Variants in LCMT1 observed in about 807,000 individuals in gnomAD.
LCMT1 encodes the protein [Phosphatase 2A protein]-leucine-carboxy methyltransferase 1.
In LCMT1, 32 loss-of-function variants were observed where a neutral mutation model predicts 47.7. That is an observed-to-expected ratio of 0.67 (90% CI 0.51 to 0.90). LCMT1 has a LOEUF of 0.90. Among genes scored for constraint, LCMT1 ranks in the 40% least tolerant of loss-of-function variants. LCMT1 has a pLI of 0.00. For synonymous variants in LCMT1, 152 were observed against 149.7 expected (o/e 1.02, Z -0.11); for missense variants, 375 against 415.2 (o/e 0.90, Z 0.84).
At chr16:25,173,043 C>G (rs1270657377) in intron 9 of LCMT1, among the ~76,000 whole-genome samples, 1 of 152,194 alleles carries the variant, frequency 6.6e-6, no homozygotes, top group Non-Finnish European at 1.5e-5. Flanking sequence ...TTTGTCTATG[C>G]CAGGTCGAAC....
At chr16:25,117,364 G>T (rs1012086763) in intron 1 of LCMT1, among the ~76,000 whole-genome samples, 1 of 152,180 alleles carries the variant, frequency 6.6e-6, no homozygotes, top group African/African-American at 2.4e-5. Flanking sequence ...TCTGCACTTT[G>T]TTGTGTGACA....
At chr16:25,152,731 G>C (rs1160949257) in intron 5 of LCMT1, among the ~76,000 whole-genome samples, 5 of 152,116 alleles carry the variant, frequency 3.3e-5, no homozygotes, top group Non-Finnish European at 5.9e-5. Context: ...CCATCCTCCA[G>C]TTCTGTCCCC....
At chr16:25,129,983 G>A (rs760138888) in intron 2 of LCMT1, among the ~76,000 whole-genome samples, 10 of 152,298 alleles carry the variant, frequency 6.6e-5, no homozygotes, top group Middle Eastern at 3.4e-3. Context: ...GTAATTCTCA[G>A]ATGAGGGAGG....
At chr16:25,155,030 G>A (rs1961210214) in intron 5 of LCMT1, among the ~76,000 whole-genome samples, 1 of 152,106 alleles carries the variant, frequency 6.6e-6, no homozygotes, top group Admixed American at 6.6e-5. Flanking sequence ...AAATGACCTT[G>A]TTTTATCAAA....
chr16:25,133,981 G>A (rs1465050322), intron 3 of LCMT1, among the ~76,000 whole-genome samples: 1 of 149,126 alleles, frequency 6.7e-6, no homozygotes, highest in African/African-American at 2.5e-5. Flanking sequence ...GCAGTGAGTC[G>A]AGATCATGCC....
At chr16:25,117,909 G>C (rs1304941545) in intron 1 of LCMT1, among the ~76,000 whole-genome samples, 4 of 150,910 alleles carry the variant, frequency 2.7e-5, no homozygotes, top group Non-Finnish European at 4.4e-5. Flanking sequence ...TTTCCCTCTT[G>C]TGCAGTCACC....
chr16:25,171,135 C>T (rs1961753875), intron 9 of LCMT1, among the ~76,000 whole-genome samples: 2 of 148,774 alleles, frequency 1.3e-5, no homozygotes, highest in South Asian at 4.3e-4. Flanking sequence ...ACTTGGGAGG[C>T]TGAGCCGGGA....
chr16:25,171,141 C>T lies in LCMT1; in HGVS notation c.884+336C>T, dbSNP rs549675259. Among the ~76,000 whole-genome samples the T allele has an allele frequency of 1.8e-4, 27 of 146,590 alleles. No homozygotes were observed. In the East Asian group the frequency reaches 4.4e-3, roughly 24 times the overall value. The stretch of plus-strand genomic sequence containing the variant: ...ATGCCAACTACTTGGGAGGCTGAGC[C>T]GGGAGAATCACTTAAACCTGGGGCG... On this transcript the variant is annotated intron_variant, in intron 9 of 10. Transcript: ENST00000399069.
At chr16:25,133,620 A>G (rs1386850977) in intron 3 of LCMT1, among the ~76,000 whole-genome samples, 1 of 148,480 alleles carries the variant, frequency 6.7e-6, no homozygotes, top group Non-Finnish European at 1.5e-5. Context: ...GCTGCTCACA[A>G]TCTTCTGACC....
intron 1 of LCMT1, among the ~76,000 whole-genome samples, chr16:25,127,245 A>G (rs1960217750): frequency 1.3e-5 from 2 of 152,236 alleles, no homozygotes; most frequent in Non-Finnish European, 2.9e-5. Flanking sequence ...AAAGTAATGC[A>G]GGTTTGCAAA....
intron 5 of LCMT1, among the ~76,000 whole-genome samples, chr16:25,159,930 C>A (rs1961368383): frequency 6.7e-6 from 1 of 149,464 alleles, no homozygotes; most frequent in Admixed American, 6.8e-5. Flanking sequence ...ATAATAAAAT[C>A]AAGCAATTTT....
chr16:25,151,670 C>G, intron 5 of LCMT1, 55 bp downstream of exon 5: 1 of 1,398,386 alleles, frequency 7.2e-7, no homozygotes, highest in Non-Finnish European at 1.0e-6. Context: ...CTTCCCACCC[C>G]CTTTTTGAAG....
intron 5 of LCMT1, among the ~76,000 whole-genome samples, chr16:25,158,377 C>T (rs937038911): frequency 5.9e-5 from 9 of 152,234 alleles, no homozygotes; most frequent in Non-Finnish European, 1.3e-4. Context: ...TTCAGCAATT[C>T]GCCTGTCTTG....
At chr16:25,146,850 C>G (rs911432929) in intron 4 of LCMT1, 3 of 152,166 alleles carry the variant, frequency 2.0e-5, no homozygotes, top group Non-Finnish European at 4.4e-5. Flanking sequence ...TTTTCTTGAC[C>G]CTGTCATAGT....
At chr16:25,172,300 C>T (rs1021587922) in intron 9 of LCMT1, among the ~76,000 whole-genome samples, 1 of 143,918 alleles carries the variant, frequency 6.9e-6, no homozygotes, top group Non-Finnish European at 1.5e-5. Context: ...AAGAGCGAAA[C>T]TCTGTCTCAA....
chr16:25,147,087 A>G (rs1960882429), intron 4 of LCMT1: 1 of 152,236 alleles, frequency 6.6e-6, no homozygotes, highest in African/African-American at 2.4e-5. Flanking sequence ...TCAGTACTGC[A>G]AAGTGACCAT....
At position 25,178,116 on chromosome 16, in the gene LCMT1, C is replaced by G. The variant is rs771501315; in HGVS notation, c.*93C>G. Reference sequence around the variant, plus strand: ...CCCTGAGCGGTGGGCGGGCCTCGTCCGCAGGTCTCATCCCACACTCTTGAG... The same window carrying G: ...CCCTGAGCGGTGGGCGGGCCTCGTCGGCAGGTCTCATCCCACACTCTTGAG... On this transcript the variant is annotated 3_prime_UTR_variant, in exon 11 of 11. Coordinates refer to ENST00000399069, the MANE Select transcript of LCMT1 (RefSeq NM_016309.3). The G allele has an allele frequency of 8.5e-7, 1 of 1,175,020 alleles. No homozygotes were observed. Among genetic ancestry groups the G allele is most frequent in the East Asian group, 2.4e-5 (1 of 42,348 alleles). The allele number at this position is 1,175,020 out of a possible 1,614,324, so 72.8% of individuals were successfully genotyped here. A position where few individuals can be genotyped will look rare whatever the true frequency, so the allele number is the denominator to read the frequency against.
chr16:25,177,905 G>T (rs1421040206), intron 10 of LCMT1, 96 bp from the exon 11 acceptor site: 2 of 1,019,334 alleles, frequency 2.0e-6, no homozygotes, highest in Admixed American at 1.7e-5. Context: ...CAGCAGTGTG[G>T]CTGGTGCCCC....
intron 6 of LCMT1, among the ~76,000 whole-genome samples, 155 bp downstream of exon 6, chr16:25,161,359 C>A (rs1332079787): frequency 7.0e-6 from 1 of 141,920 alleles, no homozygotes; most frequent in East Asian, 2.0e-4. Flanking sequence ...GAAAAAAATT[C>A]TTTTTTTTTT....
Sources: allele counts gnomAD v4.1 joint callset (sites outside exome capture counted in the v4.1 genomes callset), GRCh38; gene constraint gnomAD v4.1.1; transcripts MANE v1.5; gene names NCBI Gene and HGNC (gene_info 2026-07-23, HGNC 2026-07-21).